MAU2: variants seen among roughly 807,000 people sequenced by gnomAD.
MAU2 encodes the protein MAU2 sister chromatid cohesion factor.
A neutral mutation model predicts 89.1 loss-of-function variants in MAU2; 9 were observed. The observed-to-expected ratio is 0.10, with a 90% CI of 0.06 to 0.18. MAU2 has a LOEUF of 0.18. Ranked by LOEUF, MAU2 falls within the 10% of genes least tolerant of loss-of-function variation. MAU2 has a pLI of 1.00. For missense variants in MAU2, 425 were observed against 803.5 expected, an observed-to-expected ratio of 0.53 and a Z score of 5.69; for synonymous variants, 357 against 343.4, an observed-to-expected ratio of 1.04 and a Z score of -0.44.
chr19:19,341,176 A>G (rs1056366705), intron 6 of MAU2, 76 bp from the exon 7 acceptor site: 1 of 1,509,856 alleles, frequency 6.6e-7, no homozygotes, highest in Non-Finnish European at 8.9e-7. Flanking sequence ...GCAGGTGGGC[A>G]GGTGACCCTG....
intron 12 of MAU2, among the ~76,000 whole-genome samples, chr19:19,346,021 G>A (rs931348231): frequency 6.6e-6 from 1 of 152,138 alleles, no homozygotes; most frequent in African/African-American, 2.4e-5. Flanking sequence ...AGGTGTCAGG[G>A]AGCAGAGGCT....
At chr19:19,346,960 A>C (rs2061698130) in intron 12 of MAU2, 1 of 273,254 alleles carries the variant, frequency 3.7e-6, no homozygotes, top group Non-Finnish European at 7.0e-6. Context: ...TGTGGCCTGG[A>C]GGAAGGGTCC....
rs972855380 is a variant in MAU2 at position 19,345,232 on chromosome 19, G to A, written c.1156-72G>A. 51 of 1,378,606 alleles carry A rather than the reference G, an allele frequency of 3.7e-5. No homozygotes were observed. Among genetic ancestry groups the A allele is most frequent in the Non-Finnish European group, 5.1e-5 (49 of 968,272 alleles). The allele number at this position is 1,378,606 out of a possible 1,614,324, so 85.4% of individuals were successfully genotyped here. A position where few individuals can be genotyped will look rare whatever the true frequency, so the allele number is the denominator to read the frequency against. On this transcript the variant is annotated intron_variant, in intron 11 of 18. Transcript: ENST00000262815. The surrounding 1 kb of genome is among the most constrained non-coding windows in gnomAD (Gnocchi z 4.9). ...TCCAGGGCAGCCGTGCAGGCCCCGG[G>A]CACACCACGTGTCTCTGATCTGAGC...
At chr19:19,329,325 G>GAGGGATGTGAACT (rs1220280550) in intron 1 of MAU2, among the ~76,000 whole-genome samples, 1 of 152,140 alleles carries the variant, frequency 6.6e-6, no homozygotes, top group East Asian at 1.9e-4. Flanking sequence ...TCACTCTTGA[G>GAGGGATGTGAACT]TCACCTCTGA....
intron 2 of MAU2, 43 bp downstream of exon 2, chr19:19,335,778 C>T (rs1347480747): frequency 6.2e-7 from 1 of 1,603,030 alleles, no homozygotes; most frequent in South Asian, 1.1e-5. Context: ...AGGAATTCTC[C>T]ACTTAAATAA....
At position 19,342,853 on chromosome 19, in the gene MAU2, G is replaced by A. The variant is rs777263674; in HGVS notation, c.960G>A (p.Leu320=). The change falls in exon 9 of 19, where the codon CTG becomes CTA. Residue 320 remains leucine, a synonymous_variant. Coordinates refer to ENST00000262815, the MANE Select transcript of MAU2 (RefSeq NM_015329.4). ...ACACGGACAAGGCCCTCATGCAGCT[G>A]GAGAAGCTCAAGAGTAAGTCAGGTG... ...QKYTDKALMQ[L]EKLKMLDCSP... is the part of the protein sequence containing the mutation. 7 of 1,613,848 alleles carry A rather than the reference G, an allele frequency of 4.3e-6. No individual in the cohort carries two copies. Among genetic ancestry groups the A allele is most frequent in the Non-Finnish European group, 5.9e-6 (7 of 1,180,016 alleles).
chr19:19,321,598 C>G (rs924519491), intron 1 of MAU2: 1 of 154,278 alleles, frequency 6.5e-6, no homozygotes, highest in Non-Finnish European at 1.4e-5. Context: ...GGCATTCTCC[C>G]GGGAATCTGA....
intron 1 of MAU2, among the ~76,000 whole-genome samples, chr19:19,330,423 C>T (rs1271715388): frequency 1.3e-5 from 2 of 151,634 alleles, no homozygotes; most frequent in African/African-American, 4.8e-5. Flanking sequence ...AGCGAGACCC[C>T]CATCTCTACA....
chr19:19,345,197 G>T lies in MAU2; in HGVS notation c.1156-107G>T. ...TTGCAGCTGGCTCGGTAGAGCCATTGTCATACTCCTCCAGGGCAGCCGTGC... is the reference window on the plus strand; with the variant it reads ...TTGCAGCTGGCTCGGTAGAGCCATTTTCATACTCCTCCAGGGCAGCCGTGC... On this transcript the variant is annotated intron_variant, in intron 11 of 18. Coordinates refer to ENST00000262815, the MANE Select transcript of MAU2 (RefSeq NM_015329.4). The surrounding 1 kb of genome is among the most constrained non-coding windows in gnomAD (Gnocchi z 4.9). The T allele has an allele frequency of 1.0e-6, 1 of 1,003,444 alleles. No individual in the cohort carries two copies. 62.2% of individuals were successfully genotyped at this position (1,003,444 alleles called of 1,614,324 possible).
In MAU2 at chr19:19,342,387, G is replaced by A. The variant is rs559146121; in HGVS notation, c.736-148G>A. On this transcript the variant is annotated intron_variant, in intron 7 of 18. Coordinates refer to ENST00000262815, the MANE Select transcript of MAU2 (RefSeq NM_015329.4). ...AAGCCTGGCTGATTCATGGGAGTGC[G>A]GCAGGGGCGGCTTCATCTTGCAGGA... 51 of 967,802 alleles carry A rather than the reference G, an allele frequency of 5.3e-5. No homozygotes were observed. The Admixed American group carries it at 6.7e-4, about 13-fold the overall frequency. 60.0% of individuals were successfully genotyped at this position (967,802 alleles called of 1,614,324 possible). A position where few individuals can be genotyped will look rare whatever the true frequency, so the allele number is the denominator to read the frequency against.
intron 1 of MAU2, chr19:19,329,224 A>G: frequency 2.3e-6 from 1 of 431,330 alleles, no homozygotes; most frequent in African/African-American, 2.0e-5. Flanking sequence ...TCCCATCTGC[A>G]GGGAGCAGAG....
intron 12 of MAU2, chr19:19,346,843 G>T (rs1555795422): frequency 6.2e-6 from 1 of 160,852 alleles, no homozygotes; most frequent in Non-Finnish European, 1.4e-5. Context: ...CCCCCTGTGG[G>T]ACAACAGCTC....
intron 17 of MAU2, 103 bp from the exon 18 acceptor site, chr19:19,355,161 C>G: frequency 6.9e-7 from 1 of 1,439,490 alleles, no homozygotes; most frequent in Non-Finnish European, 9.5e-7. Flanking sequence ...AGAGATCCAC[C>G]AGTGCAGCTG....
chr19:19,352,345 T>C (rs2061752291), intron 16 of MAU2: 1 of 152,168 alleles, frequency 6.6e-6, no homozygotes, highest in Admixed American at 6.5e-5. Context: ...ATGGATGCTG[T>C]TAACAAACGT....
chr19:19,344,871 G>A lies in MAU2; in HGVS notation c.1100G>A (p.Cys367Tyr). Reference protein sequence around the residue: ...LQEISQVCQLCQQSPRLFSNH... With the variant: ...LQEISQVCQLYQQSPRLFSNH... The stretch of plus-strand genomic sequence containing the variant: ...CAGATCTCCCAGGTCTGCCAGCTGT[G>A]CCAGCAGTCCCCCCGGCTCTTCTCC... Residue 367 changes from cysteine (C) to tyrosine (Y), a missense_variant, in exon 11 of 19, where the codon TGC becomes TAC. This residue lies in a region of MAU2 where 39 missense variants were observed against 56.3 expected (regional missense o/e 0.69). Transcript: ENST00000262815. 1 of 1,613,772 alleles carries A rather than the reference G, an allele frequency of 6.2e-7. No homozygotes were observed. Among genetic ancestry groups the A allele is most frequent in the Non-Finnish European group, 8.5e-7 (1 of 1,179,980 alleles).
At chr19:19,327,767 TC>T (rs1215096916) in intron 1 of MAU2, among the ~76,000 whole-genome samples, 3 of 152,108 alleles carry the variant, frequency 2.0e-5, no homozygotes, top group African/African-American at 7.2e-5. Flanking sequence ...GCCGCCTTGT[TC>T]CCTGGGTCTG....
In MAU2 at chr19:19,349,310, T is replaced by C. The variant is rs374119447; in HGVS notation, c.1437-15T>C. 1.4e-5 allele frequency: 22 copies of C among 1,613,980 alleles called. No homozygotes were observed. The highest frequency in any genetic ancestry group is 2.2e-5 in the East Asian group (1 of 44,890). On this transcript the variant is annotated splice_polypyrimidine_tract_variant and intron_variant, in intron 15 of 18. Transcript: ENST00000262815. ...CCCGTCCTGCAGTTATCAGCGTCCA[T>C]GTTCTCCTTGTCAGGCGATTTCTGC...
At chr19:19,353,806 C>G (rs1312659299) in intron 16 of MAU2, 1 of 166,782 alleles carries the variant, frequency 6.0e-6, no homozygotes. Context: ...GCTCTTCCTG[C>G]CACATCCTGA....
At chr19:19,321,611 T>A (rs1330528888) in intron 1 of MAU2, 4 of 153,884 alleles carry the variant, frequency 2.6e-5, no homozygotes, top group African/African-American at 9.6e-5. Context: ...GAATCTGAAG[T>A]CTGGTCTCTC....
Sources: allele counts gnomAD v4.1 joint callset (sites outside exome capture counted in the v4.1 genomes callset), GRCh38; gene constraint gnomAD v4.1.1; regional missense constraint gnomAD v4.1.1; non-coding constraint Gnocchi (gnomAD v3.1); transcripts MANE v1.5; gene names NCBI Gene and HGNC (gene_info 2026-07-23, HGNC 2026-07-21).